Variants in LRIT3 observed in about 807,000 individuals in gnomAD.
The protein encoded by LRIT3 is leucine-rich repeat, immunoglobulin-like domain and transmembrane domain-containing protein 3.
A neutral mutation model predicts 22.6 loss-of-function variants in LRIT3; 14 were observed. The ratio of observed to expected loss-of-function variants is 0.62; its 90% CI spans 0.41 to 0.97. The LOEUF (loss-of-function observed/expected upper bound fraction) is 0.97, where lower values mean the gene tolerates loss of function less well. Ranked by LOEUF, LRIT3 falls within the 50% of genes least tolerant of loss-of-function variation. The pLI, the probability that LRIT3 is intolerant of heterozygous loss-of-function variation, is 0.00. For missense variants in LRIT3, 783 were observed against 803.0 expected (o/e 0.98, Z 0.30); for synonymous variants, 306 against 304.5 (o/e 1.01, Z -0.05).
At chr4:109,861,094 G>T (rs929644606) in intron 2 of LRIT3, among the ~76,000 whole-genome samples, 1 of 151,992 alleles carries the variant, frequency 6.6e-6, no homozygotes, top group African/African-American at 2.4e-5. Flanking sequence ...TATGGCTGGG[G>T]GCCATGGCTC....
intron 1 of LRIT3, among the ~76,000 whole-genome samples, chr4:109,850,416 TTC>T (rs1197064241): frequency 7.1e-4 from 16 of 22,394 alleles, no homozygotes; most frequent in African/African-American, 4.1e-3. Context: ...CCTTCCTTCC[TTC>T]CTTCCTTTCT....
rs1734119441 is a variant in LRIT3 at position 109,848,210 on chromosome 4, C to T, written c.9C>T (p.Leu3=). 8.1e-7 allele frequency: 1 copy of T among 1,230,896 alleles called. No individual in the cohort carries two copies. The allele number at this position is 1,230,896 out of a possible 1,614,324, so 76.2% of individuals were successfully genotyped here. A position where few individuals can be genotyped will look rare whatever the true frequency, so the allele number is the denominator to read the frequency against. Reference sequence around the variant, plus strand: ...AACCTCTAAAAGGAGCAATGCATCTCTTTGCATGTCTGTGCATTGTCCTTA... The same window carrying T: ...AACCTCTAAAAGGAGCAATGCATCTTTTTGCATGTCTGTGCATTGTCCTTA... MH[L]FACLCIVLSF... is the part of the protein sequence containing the mutation. The change falls in exon 1 of 4, where the codon CTC becomes CTT. Residue 3 remains leucine (L), a synonymous_variant. Transcript: ENST00000594814.
intron 2 of LRIT3, among the ~76,000 whole-genome samples, chr4:109,855,735 T>TTGTG: frequency 6.6e-6 from 1 of 152,342 alleles, no homozygotes; most frequent in Middle Eastern, 3.4e-3. Context: ...TTCTGGTATG[T>TTGTG]TCTGTCTTTG....
intron 2 of LRIT3, among the ~76,000 whole-genome samples, chr4:109,864,818 A>G (rs1326371747): frequency 2.6e-5 from 4 of 152,220 alleles, no homozygotes; most frequent in African/African-American, 9.6e-5. Flanking sequence ...GACTACTTTT[A>G]GTCTGTATTG....
intron 1 of LRIT3, among the ~76,000 whole-genome samples, chr4:109,850,418 C>CTTTCTTT (rs1491056843): frequency 0.075 from 2,100 of 28,104 alleles, 338 homozygotes; most frequent in Middle Eastern, 0.16. Context: ...TTCCTTCCTT[C>CTTTCTTT]CTTCCTTTCT....
In LRIT3 at chr4:109,870,151, A is replaced by G. The variant is rs182062671; in HGVS notation, c.1402A>G (p.Lys468Glu). The change falls in exon 4 of 4, where the codon AAG (lysine) becomes GAG (glutamate). Residue 468 changes from lysine (K) to glutamate (E), a missense_variant. Around this residue, in one of 2 missense-constraint regions of LRIT3, gnomAD observed 756 missense variants for 753.8 expected, o/e 1.00. Coordinates refer to ENST00000594814, the MANE Select transcript of LRIT3 (RefSeq NM_198506.5). ...TAAGCTTCCTCCAGCCAGCACAAGT[A>G]AGAAAGAAGAGCTGGCATTGTTGGA... ...GSKLPPASTS[K>E]KEELALLDQT... 2.1e-5 allele frequency: 34 copies of G among 1,614,238 alleles called. No homozygotes were observed. Among genetic ancestry groups the G allele is most frequent in the Admixed American group, 2.0e-4 (12 of 60,032 alleles).
chr4:109,866,497 AT>A (rs1232587383), intron 2 of LRIT3, among the ~76,000 whole-genome samples: 2 of 152,192 alleles, frequency 1.3e-5, no homozygotes, highest in Non-Finnish European at 2.9e-5. Flanking sequence ...ATAAGAAACA[AT>A]TTTTTAATTG....
chr4:109,854,154 T>C (rs1053889267), intron 2 of LRIT3, among the ~76,000 whole-genome samples: 9 of 152,346 alleles, frequency 5.9e-5, no homozygotes, highest in Admixed American at 3.9e-4. Flanking sequence ...GGGGTTAGCA[T>C]TGAATCTATA....
rs773449183 is a variant in LRIT3 at position 109,851,585 on chromosome 4, G to C, written c.198G>C (p.Lys66Asn). The change falls in exon 2 of 4, where the codon AAG (lysine) becomes AAC (asparagine). Residue 66 changes from lysine to asparagine, a missense_variant. Coordinates refer to ENST00000594814, the MANE Select transcript of LRIT3 (RefSeq NM_198506.5). ...PVDTVKLRIE[K>N]TVIRRISAEA... ...ACACTGTGAAGCTTCGCATAGAGAAGACTGTCATCCGCAGAATCTCTGCGG... is the reference window on the plus strand; with the variant it reads ...ACACTGTGAAGCTTCGCATAGAGAACACTGTCATCCGCAGAATCTCTGCGG... 6.4e-7 allele frequency: 1 copy of C among 1,551,920 alleles called. No homozygotes were observed. Among genetic ancestry groups the C allele is most frequent in the East Asian group, 2.4e-5 (1 of 40,920 alleles).
rs141643857 is a variant in LRIT3 at position 109,862,903 on chromosome 4, A to G, written c.590-4738A>G. On this transcript the variant is annotated intron_variant, in intron 2 of 3. Coordinates refer to ENST00000594814, the MANE Select transcript of LRIT3 (RefSeq NM_198506.5). ...GAGACAGGATCTTGCCATGTTGCAC[A>G]GGCTGGCCTTGAACTCCTGACCTCA... 3.6e-3 allele frequency among the ~76,000 whole-genome samples: 543 copies of G among 152,278 alleles called. 4 individuals are homozygous for G. The highest frequency in any genetic ancestry group is 0.013 in the African/African-American group (521 of 41,562).
In LRIT3 at chr4:109,870,740, C is replaced by T; in HGVS notation, c.1991C>T (p.Ser664Phe). 6.2e-7 allele frequency: 1 copy of T among 1,612,700 alleles called. No homozygotes were observed. Among genetic ancestry groups the T allele is most frequent in the African/African-American group, 1.3e-5 (1 of 74,934 alleles). The stretch of plus-strand genomic sequence containing the variant: ...CTTTGTTCTAGGTCAAGTGTGGAAT[C>T]TCAGGTGACTTTTAAAAGTGAAGGT... Reference protein sequence around the residue: ...LLLCSRSSVESQVTFKSEGSR... With the variant: ...LLLCSRSSVEFQVTFKSEGSR... Residue 664 changes from serine (S) to phenylalanine (F), a missense_variant, in exon 4 of 4, where the codon TCT becomes TTT. By Grantham distance (155) the Ser-to-Phe change is radical. Coordinates refer to ENST00000594814, the MANE Select transcript of LRIT3 (RefSeq NM_198506.5).
rs1579383608 is a variant in LRIT3 at position 109,870,395 on chromosome 4, A to G, written c.1646A>G (p.Gln549Arg). ...VTIDGLEPGG[Q>R]YMACVCPKGV... ...ATAGATGGCTTGGAACCCGGTGGGC[A>G]ATACATGGCCTGTGTCTGTCCAAAA... Residue 549 changes from glutamine (Q) to arginine (R), a missense_variant, in exon 4 of 4, where the codon CAA (glutamine) becomes CGA (arginine). Coordinates refer to ENST00000594814, the MANE Select transcript of LRIT3 (RefSeq NM_198506.5). 1 of 1,614,188 alleles carries G rather than the reference A, an allele frequency of 6.2e-7. No individual in the cohort carries two copies. The highest frequency in any genetic ancestry group is 8.5e-7 in the Non-Finnish European group (1 of 1,180,038).
At chr4:109,862,835 G>A (rs1360259440) in intron 2 of LRIT3, among the ~76,000 whole-genome samples, 3 of 152,172 alleles carry the variant, frequency 2.0e-5, no homozygotes, top group Admixed American at 1.3e-4. Flanking sequence ...GGCAAGTGCC[G>A]CCACCATACC....
intron 2 of LRIT3, among the ~76,000 whole-genome samples, chr4:109,852,779 C>A (rs796884916): frequency 6.6e-6 from 1 of 152,114 alleles, no homozygotes; most frequent in Non-Finnish European, 1.5e-5. Flanking sequence ...TGATGTTCCC[C>A]TCCCTGTGTC....
Position 109,867,779 on chromosome 4 carries a change from T to G in LRIT3, c.728T>G (p.Phe243Cys). The G allele has an allele frequency of 6.2e-7, 1 of 1,614,182 alleles. No individual in the cohort carries two copies. The highest frequency in any genetic ancestry group is 8.5e-7 in the Non-Finnish European group (1 of 1,180,026). The change falls in exon 3 of 4, where the codon TTT (phenylalanine) becomes TGT (cysteine). Residue 243 changes from phenylalanine to cysteine, a missense_variant. Coordinates refer to ENST00000594814, the MANE Select transcript of LRIT3 (RefSeq NM_198506.5). ...CCTGAGCGCCTCACAGGAATTTTGT[T>G]TCAGCGGGCTGAATTGGAGCATTGT... ...SEPERLTGILFQRAELEHCLK... is the reference protein window; with the variant it reads ...SEPERLTGILCQRAELEHCLK...
chr4:109,854,514 C>T (rs1734353996), intron 2 of LRIT3, among the ~76,000 whole-genome samples: 2 of 152,204 alleles, frequency 1.3e-5, no homozygotes, highest in East Asian at 3.8e-4. Flanking sequence ...ATCATGTCAT[C>T]TGCAAACAGA....
chr4:109,868,498 G>C (rs1056716958), intron 3 of LRIT3, among the ~76,000 whole-genome samples: 1 of 151,088 alleles, frequency 6.6e-6, no homozygotes, highest in African/African-American at 2.4e-5. Context: ...TTGAATTTGG[G>C]GGGTGGAGGT....
At chr4:109,850,295 A>G (rs1860130) in intron 1 of LRIT3, among the ~76,000 whole-genome samples, 28,146 of 151,734 alleles carry the variant, frequency 0.19, 3,123 homozygotes, top group Admixed American at 0.33. Context: ...TTTCCAGGCT[A>G]AAATGAATCT....
rs1456805920 is a variant in LRIT3, at chr4:109,871,994, ACTTAGCAGGATGCAAC to A, written c.*1208_*1223del. On this transcript the variant is annotated 3_prime_UTR_variant, in exon 4 of 4. Transcript: ENST00000594814. ...TCTCACAGTGGTGATATTACATGTCACTTAGCAGGATGCAACCTGGCCTAGGGATTTCCAGAAGACA... is the reference window on the plus strand; with the variant it reads ...TCTCACAGTGGTGATATTACATGTCACTGGCCTAGGGATTTCCAGAAGACA... 6.6e-6 allele frequency: 1 copy of A among 152,238 alleles called. No homozygotes were observed. The highest frequency in any genetic ancestry group is 6.5e-5 in the Admixed American group (1 of 15,282). The allele number at this position is 152,238 out of a possible 1,614,324, so 9.4% of individuals were successfully genotyped here. A position where few individuals can be genotyped will look rare whatever the true frequency, so the allele number is the denominator to read the frequency against.
Sources: allele counts gnomAD v4.1 joint callset (sites outside exome capture counted in the v4.1 genomes callset), GRCh38; gene constraint gnomAD v4.1.1; regional missense constraint gnomAD v4.1.1; transcripts MANE v1.5; gene names NCBI Gene and HGNC (gene_info 2026-07-23, HGNC 2026-07-21).